The following DTHD1 variants were observed in gnomAD, a reference collection of about 807,000 sequenced individuals.
DTHD1 encodes the protein death domain-containing protein 1.
In DTHD1, 59 loss-of-function variants were observed where a neutral mutation model predicts 74.8. That is an observed-to-expected ratio of 0.79 (90% confidence interval 0.64 to 0.98). DTHD1 has a LOEUF of 0.98. DTHD1 is among the 50% of genes least tolerant of loss of function. The pLI is 0.00. For synonymous variants in DTHD1, 365 were observed against 371.1 expected (o/e 0.98, Z 0.19); for missense variants, 1,051 against 1,065.4 (o/e 0.99, Z 0.19).
At chr4:36,307,887 T>G (rs1757150621) in intron 6 of DTHD1, among the ~76,000 whole-genome samples, 1 of 152,214 alleles carries the variant, frequency 6.6e-6, no homozygotes, top group Admixed American at 6.5e-5. Context: ...TTATTTCTTT[T>G]TTTACAGAGA....
At chr4:36,294,105 AT>A (rs1756250160) in intron 4 of DTHD1, among the ~76,000 whole-genome samples, 1 of 151,918 alleles carries the variant, frequency 6.6e-6, no homozygotes, top group South Asian at 2.1e-4. Context: ...TATAATAAAT[AT>A]TTTGTTATAT....
chr4:36,324,002 A>G (rs777706779), intron 8 of DTHD1, among the ~76,000 whole-genome samples: 8 of 152,116 alleles, frequency 5.3e-5, no homozygotes, highest in Admixed American at 1.3e-4. Flanking sequence ...CAAAGCCACA[A>G]TTTTGACCAT....
chr4:36,338,287 A>T (rs966291487), intron 8 of DTHD1, among the ~76,000 whole-genome samples: 2 of 152,184 alleles, frequency 1.3e-5, no homozygotes, highest in Non-Finnish European at 2.9e-5. Flanking sequence ...TGTCCCATGT[A>T]TCAATGTTTT....
intron 5 of DTHD1, among the ~76,000 whole-genome samples, chr4:36,303,599 C>T (rs902263849): frequency 1.3e-5 from 2 of 152,020 alleles, no homozygotes; most frequent in East Asian, 3.9e-4. Flanking sequence ...AGTCTAAGTT[C>T]GTAGAAAAGA....
At chr4:36,310,928 A>G (rs879566257) in intron 7 of DTHD1, among the ~76,000 whole-genome samples, 1 of 152,172 alleles carries the variant, frequency 6.6e-6, no homozygotes, top group East Asian at 1.9e-4. Flanking sequence ...CCGGAGCAGA[A>G]ACCACAGCGT....
chr4:36,302,319 G>GT (rs922871947), intron 5 of DTHD1, among the ~76,000 whole-genome samples: 1 of 152,090 alleles, frequency 6.6e-6, no homozygotes, highest in Non-Finnish European at 1.5e-5. Flanking sequence ...ATTATGTAGG[G>GT]TTTTTTTCTC....
At chr4:36,334,239 G>C (rs1758865759) in intron 8 of DTHD1, among the ~76,000 whole-genome samples, 1 of 152,036 alleles carries the variant, frequency 6.6e-6, no homozygotes, top group Non-Finnish European at 1.5e-5. Flanking sequence ...TATTCCAAAT[G>C]TGGCCTTATC....
At position 36,343,944 on chromosome 4, in the gene DTHD1, GC is replaced by G; in HGVS notation, c.*121del. The G allele has an allele frequency of 1.0e-6, 1 of 973,358 alleles. No individual in the cohort carries two copies. Among genetic ancestry groups the G allele is most frequent in the Non-Finnish European group, 1.5e-6 (1 of 677,206 alleles). 60.3% of individuals were successfully genotyped at this position (973,358 alleles called of 1,614,324 possible). A position where few individuals can be genotyped will look rare whatever the true frequency, so the allele number is the denominator to read the frequency against. On this transcript the variant is annotated 3_prime_UTR_variant, in exon 10 of 10. Coordinates refer to ENST00000639862, the MANE Select transcript of DTHD1 (RefSeq NM_001170700.3). ...TTGAAGTCAGTCTATTTAATGATGT[GC>G]TATTTAATGATGTGAGACAAAGGGA...
chr4:36,340,571 G>C (rs562504604), intron 9 of DTHD1, among the ~76,000 whole-genome samples: 7 of 152,340 alleles, frequency 4.6e-5, no homozygotes, highest in African/African-American at 1.7e-4. Flanking sequence ...AAAGTGAATA[G>C]AGTAAAGGAA....
intron 8 of DTHD1, among the ~76,000 whole-genome samples, chr4:36,331,097 G>A (rs1191753264): frequency 6.6e-6 from 1 of 152,042 alleles, no homozygotes; most frequent in African/African-American, 2.4e-5. Flanking sequence ...TTGTTGTGAT[G>A]TCTGTGTAGG....
At chr4:36,339,506 T>A (rs1759199155) in intron 9 of DTHD1, among the ~76,000 whole-genome samples, 1 of 152,226 alleles carries the variant, frequency 6.6e-6, no homozygotes, top group Non-Finnish European at 1.5e-5. Flanking sequence ...GTTGTAAATC[T>A]TAAAGTACGT....
At chr4:36,335,738 T>C (rs139210474) in intron 8 of DTHD1, among the ~76,000 whole-genome samples, 84 of 152,292 alleles carry the variant, frequency 5.5e-4, no homozygotes, top group African/African-American at 1.8e-3. Context: ...CACTGGGTAA[T>C]TGAGTAGATG....
At position 36,290,439 on chromosome 4, in the gene DTHD1, T is replaced by C; in HGVS notation, c.954T>C (p.Tyr318=). ...CTTGTTATATTACAGCACCATCATATGTTCTACAACAACTAGAATGCCGGA... is the reference window on the plus strand; with the variant it reads ...CTTGTTATATTACAGCACCATCATACGTTCTACAACAACTAGAATGCCGGA... ...QVSCYITAPS[Y]VLQQLECRII... Residue 318 remains tyrosine (Y), a synonymous_variant, in exon 3 of 10, where the codon TAT becomes TAC. Transcript: ENST00000639862. 6.4e-7 allele frequency: 1 copy of C among 1,552,018 alleles called. No homozygotes were observed.
At chr4:36,340,578 G>A (rs1006892159) in intron 9 of DTHD1, among the ~76,000 whole-genome samples, 8 of 152,292 alleles carry the variant, frequency 5.3e-5, no homozygotes, top group Admixed American at 3.3e-4. Context: ...ATAGAGTAAA[G>A]GAAGATCAAG....
At chr4:36,339,028 A>AT in intron 8 of DTHD1, 84 bp from the exon 9 acceptor site, 2 of 1,095,634 alleles carry the variant, frequency 1.8e-6, no homozygotes, top group Non-Finnish European at 2.7e-6. Flanking sequence ...CGAAACAGAG[A>AT]TGATGTTCAG....
Position 36,284,394 on chromosome 4 carries a change from G to A in DTHD1, c.690G>A (p.Glu230=). The A allele has an allele frequency of 6.5e-7, 1 of 1,537,040 alleles. No homozygotes were observed. The highest frequency in any genetic ancestry group is 8.7e-7 in the Non-Finnish European group (1 of 1,146,820). ...AACAAATAGAACACATGACTGTTGAGAACATAAATGGCAACAGGGAAGAGA... is the reference window on the plus strand; with the variant it reads ...AACAAATAGAACACATGACTGTTGAAAACATAAATGGCAACAGGGAAGAGA... ...DDKQIEHMTV[E]NINGNREETH... is the part of the protein sequence containing the mutation. The change falls in exon 2 of 10, where the codon GAG becomes GAA. Residue 230 remains glutamate (E), a synonymous_variant. Coordinates refer to ENST00000639862, the MANE Select transcript of DTHD1 (RefSeq NM_001170700.3).
At chr4:36,306,867 A>T (rs1387390246) in intron 6 of DTHD1, among the ~76,000 whole-genome samples, 1 of 152,216 alleles carries the variant, frequency 6.6e-6, no homozygotes, top group Non-Finnish European at 1.5e-5. Flanking sequence ...TTTTACATTT[A>T]TGATTGTCTT....
At position 36,285,163 on chromosome 4, in the gene DTHD1, AT is replaced by A. The variant is rs1232913767; in HGVS notation, c.887+579del. ...TAGCTTTAAGAAACAAACACATTAC[AT>A]TTTTTTAAAGAGGAAGGAATTGAGT... On this transcript the variant is annotated intron_variant, in intron 2 of 9. Coordinates refer to ENST00000639862, the MANE Select transcript of DTHD1 (RefSeq NM_001170700.3). Among the ~76,000 whole-genome samples the A allele has an allele frequency of 9.9e-5, 15 of 152,246 alleles. 1 individual carries two copies. Among genetic ancestry groups the A allele is most frequent in the African/African-American group, 1.7e-4 (7 of 41,560 alleles).
intron 9 of DTHD1, 108 bp from the exon 10 acceptor site, chr4:36,343,394 G>A (rs1759427727): frequency 9.1e-7 from 1 of 1,096,802 alleles, no homozygotes; most frequent in Non-Finnish European, 1.3e-6. Context: ...CTGCTCCAAG[G>A]CCAAACAAAA....
Sources: gnomAD v4.1 joint callset for allele counts (sites outside exome capture counted in the v4.1 genomes callset) on GRCh38, gnomAD v4.1.1 for gene constraint, MANE v1.5 for transcripts, NCBI Gene and HGNC (gene_info 2026-07-23, HGNC 2026-07-21) for gene names.